NEMP2: variants seen among roughly 807,000 people sequenced by gnomAD.
The protein encoded by NEMP2 is nuclear envelope integral membrane protein 2.
In NEMP2, 53 loss-of-function variants were observed where a neutral mutation model predicts 54.2. The observed-to-expected ratio is 0.98, with a 90% CI of 0.78 to 1.23. NEMP2 has a LOEUF of 1.23. NEMP2 is among the 50% of genes most tolerant of loss of function. The pLI is 0.00. For missense variants in NEMP2, 455 were observed against 511.3 expected (o/e 0.89, Z 1.06); for synonymous variants, 197 against 190.3 (o/e 1.04, Z -0.29).
At chr2:190,459,086 C>G in the NEMP2 span, among the ~76,000 whole-genome samples, 1 of 152,198 alleles carries the variant, frequency 6.6e-6, no homozygotes, top group South Asian at 2.1e-4. The surrounding 1 kb of genome is among the most constrained non-coding windows in gnomAD (Gnocchi z 5.3). Context: ...CTTTGCTTCT[C>G]CAACTCCCTA....
the NEMP2 span, among the ~76,000 whole-genome samples, chr2:190,576,152 C>G: frequency 6.6e-6 from 1 of 151,880 alleles, no homozygotes; most frequent in Non-Finnish European, 1.5e-5. Context: ...AATTTTTTTT[C>G]TAGAGACAGG....
chr2:190,516,235 C>A, intron 6 of NEMP2, 35 bp downstream of exon 6: 1 of 1,441,350 alleles, frequency 6.9e-7, no homozygotes, highest in Non-Finnish European at 9.4e-7. Context: ...TCAGTTTTAC[C>A]AATCACAGAG....
At chr2:190,591,805 G>A in the NEMP2 span, among the ~76,000 whole-genome samples, 1 of 152,138 alleles carries the variant, frequency 6.6e-6, no homozygotes, top group Admixed American at 6.6e-5. The surrounding 1 kb of genome is among the most constrained non-coding windows in gnomAD (Gnocchi z 5.4). Flanking sequence ...TGTTGTTAGG[G>A]AATCTGTGGA....
At chr2:190,580,914 G>A in the NEMP2 span, among the ~76,000 whole-genome samples, 1 of 152,168 alleles carries the variant, frequency 6.6e-6, no homozygotes, top group Non-Finnish European at 1.5e-5. The surrounding 1 kb of genome is among the most constrained non-coding windows in gnomAD (Gnocchi z 5.3). Flanking sequence ...AGTAGCTAAG[G>A]TTGTTAACCA....
the NEMP2 span, among the ~76,000 whole-genome samples, chr2:190,559,278 T>C: frequency 6.6e-6 from 1 of 152,184 alleles, no homozygotes; most frequent in Non-Finnish European, 1.5e-5. This position sits in a 1 kb window ranked among gnomAD's most constrained non-coding sequence, Gnocchi z 4.0. Context: ...GATAATTGAC[T>C]TCCATTTGGA....
chr2:190,636,193 T>A, the NEMP2 span, among the ~76,000 whole-genome samples: 2 of 152,240 alleles, frequency 1.3e-5, no homozygotes, highest in African/African-American at 2.4e-5. Flanking sequence ...GTCAGACTTT[T>A]AAAATTTTTA....
chr2:190,455,213 T>C, the NEMP2 span, among the ~76,000 whole-genome samples: 18 of 152,158 alleles, frequency 1.2e-4, no homozygotes, highest in Non-Finnish European at 2.1e-4. Flanking sequence ...TGCTATTTTA[T>C]TGCTATTTAT....
chr2:190,437,228 A>AT, the NEMP2 span: 1 of 1,614,264 alleles, frequency 6.2e-7, no homozygotes, highest in Admixed American at 1.7e-5. This position sits in a 1 kb window ranked among gnomAD's most constrained non-coding sequence, Gnocchi z 5.9. Context: ...AAAAACGATG[A>AT]TTCTAAAGGG....
chr2:190,644,839 C>A, the NEMP2 span, among the ~76,000 whole-genome samples: 1 of 151,982 alleles, frequency 6.6e-6, no homozygotes, highest in Non-Finnish European at 1.5e-5. The surrounding 1 kb of genome is among the most constrained non-coding windows in gnomAD (Gnocchi z 4.4). Flanking sequence ...TACAATGAAC[C>A]CCAGTGACAC....
the NEMP2 span, among the ~76,000 whole-genome samples, chr2:190,596,662 G>A: frequency 6.6e-6 from 1 of 152,130 alleles, no homozygotes; most frequent in African/African-American, 2.4e-5. The surrounding 1 kb of genome is among the most constrained non-coding windows in gnomAD (Gnocchi z 5.1). Context: ...TCTAGCAAAG[G>A]TTGGTGAATA....
the NEMP2 span, among the ~76,000 whole-genome samples, chr2:190,587,816 G>A: frequency 1.3e-5 from 2 of 152,146 alleles, no homozygotes; most frequent in Non-Finnish European, 2.9e-5. The surrounding 1 kb of genome is among the most constrained non-coding windows in gnomAD (Gnocchi z 5.4). Flanking sequence ...CAAATAGTGC[G>A]CTGCTTGTTG....
chr2:190,558,570 G>T, the NEMP2 span, among the ~76,000 whole-genome samples: 2 of 152,222 alleles, frequency 1.3e-5, no homozygotes, highest in Admixed American at 1.3e-4. This position sits in a 1 kb window ranked among gnomAD's most constrained non-coding sequence, Gnocchi z 4.4. Context: ...AGGTAAAATT[G>T]TTATAGCTGG....
the NEMP2 span, among the ~76,000 whole-genome samples, chr2:190,487,209 C>T: frequency 4.5e-3 from 676 of 151,786 alleles, 9 homozygotes; most frequent in African/African-American, 0.016. The surrounding 1 kb of genome is among the most constrained non-coding windows in gnomAD (Gnocchi z 5.5). Flanking sequence ...GGGGTGGTGG[C>T]GGGCACTTGT....
chr2:190,425,595 G>A, the NEMP2 span, among the ~76,000 whole-genome samples: 13 of 152,176 alleles, frequency 8.5e-5, no homozygotes, highest in African/African-American at 2.9e-4. This position sits in a 1 kb window ranked among gnomAD's most constrained non-coding sequence, Gnocchi z 4.3. Context: ...TTTCTGCATT[G>A]ATTGGTAAGC....
Position 190,510,685 on chromosome 2 carries a change from T to C in NEMP2, c.954-148A>G. On this transcript the variant is annotated intron_variant, in intron 7 of 8. Transcript: ENST00000409150. This position sits in a 1 kb window ranked among gnomAD's most constrained non-coding sequence, Gnocchi z 5.7. ...TCACGAGGTCAGGAGATTGAGACGG[T>C]CCTGGCTAACAAGGTGAAACACTGT... 1 of 719,272 alleles carries C rather than the reference T, an allele frequency of 1.4e-6. No homozygotes were observed. Among genetic ancestry groups the C allele is most frequent in the Non-Finnish European group, 2.3e-6 (1 of 437,360 alleles). The allele number at this position is 719,272 out of a possible 1,614,324, so 44.6% of individuals were successfully genotyped here.
chr2:190,509,327 G>T lies in NEMP2; in HGVS notation c.1131-15C>A. 6.4e-7 allele frequency: 1 copy of T among 1,550,956 alleles called. No individual in the cohort carries two copies. Among genetic ancestry groups the T allele is most frequent in the Non-Finnish European group, 8.7e-7 (1 of 1,146,566 alleles). On this transcript the variant is annotated splice_polypyrimidine_tract_variant and intron_variant, in intron 8 of 8. Transcript: ENST00000409150. This position sits in a 1 kb window ranked among gnomAD's most constrained non-coding sequence, Gnocchi z 6.1. ...AGTCTGCAAATCTAACAAGTTTTTTGTTTTAAATAAAGTTAATGTTATCTC... is the reference window on the plus strand; with the variant it reads ...AGTCTGCAAATCTAACAAGTTTTTTTTTTTAAATAAAGTTAATGTTATCTC...
the NEMP2 span, chr2:190,477,389 C>T: frequency 1.0e-6 from 1 of 970,952 alleles, no homozygotes; most frequent in Non-Finnish European, 1.2e-6. Flanking sequence ...TGTATACCTA[C>T]AGAAAAGAAA....
the NEMP2 span, among the ~76,000 whole-genome samples, chr2:190,477,563 C>T: frequency 2.0e-5 from 3 of 152,062 alleles, no homozygotes; most frequent in Non-Finnish European, 4.4e-5. Context: ...AAAACAAATG[C>T]TGTGTGAATT....
the NEMP2 span, among the ~76,000 whole-genome samples, chr2:190,647,470 G>A: frequency 6.6e-6 from 1 of 152,034 alleles, no homozygotes; most frequent in African/African-American, 2.4e-5. Context: ...GCACACTCTG[G>A]GAGGCCAGCC....
Sources: gnomAD v4.1 joint callset for allele counts (sites outside exome capture counted in the v4.1 genomes callset) on GRCh38, gnomAD v4.1.1 for gene constraint, Gnocchi (gnomAD v3.1) non-coding constraint, MANE v1.5 for transcripts, NCBI Gene and HGNC (gene_info 2026-07-23, HGNC 2026-07-21) for gene names.